Variants in ANKS1B observed in about 807,000 individuals in gnomAD.
ANKS1B encodes the protein ankyrin repeat and sterile alpha motif domain-containing protein 1B.
In ANKS1B, 36 loss-of-function variants were observed where a neutral mutation model predicts 148.3. The ratio of observed to expected loss-of-function variants is 0.24; its 90% confidence interval spans 0.19 to 0.32. The LOEUF is 0.32. Among genes scored for constraint, ANKS1B ranks in the 10% least tolerant of loss-of-function variants. The probability of loss-of-function intolerance (pLI) is 1.00; values close to 1 mark genes in which losing one functional copy is unlikely to be tolerated. For synonymous variants in ANKS1B, 542 were observed against 560.8 expected (o/e 0.97, Z 0.47); for missense variants, 1,157 against 1,542.6 (o/e 0.75, Z 4.19).
At chr12:99,098,281 A>G (rs1202570890) in intron 15 of ANKS1B, among the ~76,000 whole-genome samples, 1 of 152,160 alleles carries the variant, frequency 6.6e-6, no homozygotes, top group African/African-American at 2.4e-5. Flanking sequence ...CATAGCTTTG[A>G]CAAGTGTCTT....
chr12:99,155,457 C>A (rs957552478), intron 14 of ANKS1B, among the ~76,000 whole-genome samples: 3 of 152,084 alleles, frequency 2.0e-5, no homozygotes, highest in African/African-American at 7.2e-5. Context: ...CACAAGAAAT[C>A]CTTTTTCCCC....
At position 99,811,088 on chromosome 12, in the gene ANKS1B, T is replaced by C. The variant is rs565086356; in HGVS notation, c.372+1067A>G. Among the ~76,000 whole-genome samples the C allele has an allele frequency of 4.6e-5, 7 of 152,126 alleles. No individual in the cohort carries two copies. The East Asian group carries it at 1.2e-3, about 25-fold the overall frequency. ...AAATTTTTATTGTGATAAATATTAA[T>C]AAGATACTTTTCCAATTAATAAAAT... On this transcript the variant is annotated intron_variant, in intron 3 of 26. Coordinates refer to ENST00000683438, the MANE Select transcript of ANKS1B (RefSeq NM_001352186.2).
chr12:99,103,223 G>A (rs1454484067), intron 15 of ANKS1B, among the ~76,000 whole-genome samples: 1 of 152,106 alleles, frequency 6.6e-6, no homozygotes, highest in Non-Finnish European at 1.5e-5. Flanking sequence ...CTCAAGCTGA[G>A]GTCAATGCCA....
At chr12:99,776,072 T>G (rs887976304) in intron 6 of ANKS1B, among the ~76,000 whole-genome samples, 5 of 152,202 alleles carry the variant, frequency 3.3e-5, no homozygotes, top group Non-Finnish European at 5.9e-5. Flanking sequence ...TTCAGATGGA[T>G]ACCACAACCA....
chr12:99,672,117 A>G (rs1183285423), intron 8 of ANKS1B, among the ~76,000 whole-genome samples: 1 of 152,042 alleles, frequency 6.6e-6, no homozygotes, highest in African/African-American at 2.4e-5. Context: ...AATCTCCCTG[A>G]CCCAGGTTCA....
At chr12:99,574,662 A>G (rs1262580626) in intron 9 of ANKS1B, among the ~76,000 whole-genome samples, 1 of 150,602 alleles carries the variant, frequency 6.6e-6, no homozygotes, top group Non-Finnish European at 1.5e-5. Context: ...CCTCGTATTA[A>G]AAAAAAAAGA....
At chr12:99,027,100 C>T (rs1311643958) in intron 17 of ANKS1B, among the ~76,000 whole-genome samples, 1 of 152,168 alleles carries the variant, frequency 6.6e-6, no homozygotes, top group Non-Finnish European at 1.5e-5. Context: ...GTTATTTATA[C>T]AGAGAGTTCA....
chr12:99,452,453 TTA>T (rs1249388370), intron 10 of ANKS1B, among the ~76,000 whole-genome samples: 5 of 152,202 alleles, frequency 3.3e-5, no homozygotes, highest in Middle Eastern at 3.2e-3. Context: ...AAAAATGGCA[TTA>T]TATCTAACAC....
intron 12 of ANKS1B, among the ~76,000 whole-genome samples, chr12:99,273,723 C>G (rs956278224): frequency 1.4e-4 from 21 of 151,562 alleles, no homozygotes; most frequent in African/African-American, 5.1e-4. Flanking sequence ...ATTACAGGCG[C>G]GTGCCACCAC....
chr12:98,905,102 TTG>T (rs2099777127), intron 17 of ANKS1B, among the ~76,000 whole-genome samples: 3 of 152,194 alleles, frequency 2.0e-5, no homozygotes, highest in African/African-American at 7.2e-5. Flanking sequence ...ATTTCTAATA[TTG>T]TTTCTATTTT....
chr12:99,710,877 C>A (rs1470963225), intron 8 of ANKS1B, among the ~76,000 whole-genome samples: 1 of 152,116 alleles, frequency 6.6e-6, no homozygotes, highest in Non-Finnish European at 1.5e-5. Flanking sequence ...TTGAGCTTAA[C>A]TGATTAATCA....
chr12:99,848,530 A>G (rs1217057436), intron 1 of ANKS1B, among the ~76,000 whole-genome samples: 1 of 152,216 alleles, frequency 6.6e-6, no homozygotes, highest in Non-Finnish European at 1.5e-5. Flanking sequence ...AAATAGATCT[A>G]TGGAACTGAA....
intron 17 of ANKS1B, among the ~76,000 whole-genome samples, chr12:98,967,275 A>C (rs1254223214): frequency 6.6e-6 from 1 of 152,072 alleles, no homozygotes; most frequent in Non-Finnish European, 1.5e-5. Flanking sequence ...TCCGACGTTG[A>C]TATCTGATGC....
At chr12:98,910,869 A>G (rs1156348374) in intron 17 of ANKS1B, among the ~76,000 whole-genome samples, 5 of 152,162 alleles carry the variant, frequency 3.3e-5, no homozygotes, top group Non-Finnish European at 7.3e-5. Flanking sequence ...GTGCCAATAT[A>G]TGATCTAGCG....
At chr12:99,668,265 A>C (rs182715883) in intron 8 of ANKS1B, among the ~76,000 whole-genome samples, 41 of 152,278 alleles carry the variant, frequency 2.7e-4, no homozygotes, top group African/African-American at 9.6e-4. Context: ...TTATTGCTAC[A>C]AAGTTATTCA....
chr12:99,185,807 T>C (rs571232681), intron 14 of ANKS1B, among the ~76,000 whole-genome samples: 3 of 152,190 alleles, frequency 2.0e-5, no homozygotes, highest in South Asian at 2.1e-4. Context: ...AAGCATAAAA[T>C]TGGGCGGCCA....
chr12:99,871,935 T>C (rs1286184129), intron 1 of ANKS1B, among the ~76,000 whole-genome samples: 1 of 152,108 alleles, frequency 6.6e-6, no homozygotes, highest in Admixed American at 6.6e-5. Flanking sequence ...TAACTAGGAC[T>C]TCAAAATTTT....
intron 17 of ANKS1B, among the ~76,000 whole-genome samples, chr12:99,042,801 A>T (rs2099959925): frequency 6.6e-6 from 1 of 152,192 alleles, no homozygotes; most frequent in Admixed American, 6.5e-5. Flanking sequence ...AAGCTTAGAG[A>T]AGTTTAAGTG....
intron 10 of ANKS1B, among the ~76,000 whole-genome samples, chr12:99,481,302 C>A (rs2096406721): frequency 6.6e-6 from 1 of 151,832 alleles, no homozygotes; most frequent in Non-Finnish European, 1.5e-5. Context: ...TCCTGTGTTA[C>A]CTCACTTAGA....
Sources: allele counts gnomAD v4.1 joint callset (sites outside exome capture counted in the v4.1 genomes callset), GRCh38; gene constraint gnomAD v4.1.1; transcripts MANE v1.5; gene names NCBI Gene and HGNC (gene_info 2026-07-23, HGNC 2026-07-21).